Variants in UNC5C observed in about 807,000 individuals in gnomAD.
The protein encoded by UNC5C is netrin receptor UNC5C.
A neutral mutation model predicts 99.8 loss-of-function variants in UNC5C; 47 were observed. The observed-to-expected ratio is 0.47, with a 90% CI of 0.37 to 0.60. The LOEUF (loss-of-function observed/expected upper bound fraction) is 0.60, where lower values mean the gene tolerates loss of function less well. UNC5C is among the 20% of genes least tolerant of loss of function. The probability of loss-of-function intolerance (pLI) is 0.00; values close to 1 mark genes in which losing one functional copy is unlikely to be tolerated. For synonymous variants in UNC5C, 487 were observed against 452.2 expected, an observed-to-expected ratio of 1.08 and a Z score of -0.98; for missense variants, 1,062 against 1,165.9, an observed-to-expected ratio of 0.91 and a Z score of 1.30.
At chr4:95,406,407 G>A (rs1031059923) in intron 1 of UNC5C, among the ~76,000 whole-genome samples, 1 of 152,110 alleles carries the variant, frequency 6.6e-6, no homozygotes, top group Non-Finnish European at 1.5e-5. Context: ...TAGGTACCGT[G>A]GCAGGATTTT....
At chr4:95,529,280 TTATATGTA>T (rs1239572026) in intron 1 of UNC5C, among the ~76,000 whole-genome samples, 1 of 148,550 alleles carries the variant, frequency 6.7e-6, no homozygotes, top group Non-Finnish European at 1.5e-5. Flanking sequence ...ATGTATGTAT[TTATATGTA>T]TATATGTATA....
intron 1 of UNC5C, among the ~76,000 whole-genome samples, chr4:95,544,684 T>C (rs2149497406): frequency 6.6e-6 from 1 of 152,318 alleles, no homozygotes; most frequent in Non-Finnish European, 1.5e-5. Flanking sequence ...AATACCATAC[T>C]CTATCCATAG....
intron 12 of UNC5C, among the ~76,000 whole-genome samples, chr4:95,198,620 A>T (rs1737528063): frequency 6.6e-6 from 1 of 152,176 alleles, no homozygotes. Flanking sequence ...GCTCTGTGCA[A>T]AGGAACTGAA....
chr4:95,190,661 A>G (rs986684344), intron 12 of UNC5C, among the ~76,000 whole-genome samples: 1 of 152,094 alleles, frequency 6.6e-6, no homozygotes, highest in Admixed American at 6.6e-5. Context: ...TTTTCCTTGC[A>G]AAGACACCCT....
intron 12 of UNC5C, among the ~76,000 whole-genome samples, chr4:95,186,261 A>T (rs1359013223): frequency 6.6e-6 from 1 of 152,130 alleles, no homozygotes. Flanking sequence ...GCAAAATATA[A>T]TTTTTTCTTT....
chr4:95,434,004 G>C (rs936629188), intron 1 of UNC5C, among the ~76,000 whole-genome samples: 2 of 152,110 alleles, frequency 1.3e-5, no homozygotes, highest in African/African-American at 2.4e-5. Flanking sequence ...TTCCCTGCCT[G>C]CCCATATAGA....
rs1171870515 is a variant in UNC5C at position 95,400,384 on chromosome 4, CTTTTTTT to C, written c.125-64760_125-64754del. On this transcript the variant is annotated intron_variant, in intron 1 of 15. Coordinates refer to ENST00000453304, the MANE Select transcript of UNC5C (RefSeq NM_003728.4). The stretch of plus-strand genomic sequence containing the variant: ...TTCCACAGCCACAGTGAGATGAATT[CTTTTTTT>C]TTTTTTTTTTTTTTTTTTTTGAGAC... 2.4e-3 allele frequency among the ~76,000 whole-genome samples: 159 copies of C among 65,786 alleles called. 3 individuals carry two copies. The highest frequency in any genetic ancestry group is 8.2e-3 in the African/African-American group (137 of 16,786). 43.2% of individuals were successfully genotyped at this position (65,786 alleles called of 152,430 possible).
At chr4:95,221,985 A>T (rs1391473341) in intron 7 of UNC5C, among the ~76,000 whole-genome samples, 1 of 152,142 alleles carries the variant, frequency 6.6e-6, no homozygotes, top group Non-Finnish European at 1.5e-5. Context: ...AGCTACTGGG[A>T]CTCAAGCTTT....
intron 1 of UNC5C, among the ~76,000 whole-genome samples, chr4:95,483,027 TAATAATAATAA>T (rs1560851081): frequency 1.0e-4 from 14 of 140,354 alleles, no homozygotes; most frequent in Admixed American, 5.8e-4. Flanking sequence ...ATAATAATAA[TAATAATAATAA>T]TAATAAAAAC....
chr4:95,395,342 CT>C (rs1364479065), intron 1 of UNC5C, among the ~76,000 whole-genome samples: 4 of 115,110 alleles, frequency 3.5e-5, no homozygotes, highest in Admixed American at 3.3e-4. Flanking sequence ...AGCTATTTTC[CT>C]TTTGCACAGG....
intron 1 of UNC5C, among the ~76,000 whole-genome samples, chr4:95,368,501 G>A (rs1453019358): frequency 6.6e-6 from 1 of 152,174 alleles, no homozygotes; most frequent in African/African-American, 2.4e-5. Context: ...GGCTGTCTCT[G>A]ATGACAGCTA....
At chr4:95,311,964 T>C (rs1230469322) in intron 2 of UNC5C, among the ~76,000 whole-genome samples, 1 of 152,044 alleles carries the variant, frequency 6.6e-6, no homozygotes, top group African/African-American at 2.4e-5. Flanking sequence ...GGAGTATTGC[T>C]TGAGCCTAGG....
At chr4:95,266,836 A>C (rs1038086832) in intron 4 of UNC5C, among the ~76,000 whole-genome samples, 1 of 152,180 alleles carries the variant, frequency 6.6e-6, no homozygotes, top group South Asian at 2.1e-4. Flanking sequence ...ATATGGATTA[A>C]ATTTTCCAGT....
chr4:95,237,760 T>C (rs748987016), intron 7 of UNC5C, among the ~76,000 whole-genome samples: 3 of 152,128 alleles, frequency 2.0e-5, no homozygotes, highest in Non-Finnish European at 2.9e-5. Context: ...AAATAAATAC[T>C]GAACAGACCC....
At chr4:95,187,194 T>C (rs559839669) in intron 12 of UNC5C, among the ~76,000 whole-genome samples, 3 of 152,200 alleles carry the variant, frequency 2.0e-5, no homozygotes, top group Non-Finnish European at 2.9e-5. Context: ...TAAAATGATG[T>C]TTGTTTATAA....
intron 3 of UNC5C, among the ~76,000 whole-genome samples, chr4:95,288,098 T>TTTATTTATTTATTTATTTATTTATTTA (rs1474255872): frequency 8.0e-5 from 3 of 37,338 alleles, no homozygotes; most frequent in Non-Finnish European, 1.5e-4. Flanking sequence ...TTATTTATTT[T>TTTATTTATTTATTTATTTATTTATTTA]TTGAGAGGGA....
At chr4:95,314,314 G>C (rs1301403510) in intron 2 of UNC5C, among the ~76,000 whole-genome samples, 1 of 152,166 alleles carries the variant, frequency 6.6e-6, no homozygotes, top group Non-Finnish European at 1.5e-5. Flanking sequence ...CTAGAAATGA[G>C]TTCAGGGGAG....
At chr4:95,313,356 G>A (rs1488033068) in intron 2 of UNC5C, among the ~76,000 whole-genome samples, 1 of 152,152 alleles carries the variant, frequency 6.6e-6, no homozygotes, top group African/African-American at 2.4e-5. Flanking sequence ...GCTGCAGGAA[G>A]ATTAATTTGT....
intron 1 of UNC5C, among the ~76,000 whole-genome samples, chr4:95,379,103 TG>T (rs1438356886): frequency 6.6e-6 from 1 of 152,140 alleles, no homozygotes; most frequent in African/African-American, 2.4e-5. Context: ...GAAGGATAAC[TG>T]GGGCGAGGAG....
Sources: gnomAD v4.1 joint callset for allele counts (sites outside exome capture counted in the v4.1 genomes callset) on GRCh38, gnomAD v4.1.1 for gene constraint, MANE v1.5 for transcripts, NCBI Gene and HGNC (gene_info 2026-07-23, HGNC 2026-07-21) for gene names.